RALGAPA1: variants seen among roughly 807,000 people sequenced by gnomAD.
RALGAPA1 encodes the protein Ral GTPase activating protein catalytic subunit alpha 1.
A neutral mutation model predicts 269.6 loss-of-function variants in RALGAPA1; 52 were observed. The observed-to-expected ratio is 0.19, with a 90% CI of 0.15 to 0.24. The LOEUF is 0.24. Ranked by LOEUF, RALGAPA1 falls within the 10% of genes least tolerant of loss-of-function variation. RALGAPA1 has a pLI of 1.00. For synonymous variants in RALGAPA1, 817 were observed against 1,008.3 expected, an observed-to-expected ratio of 0.81 and a Z score of 3.60; for missense variants, 1,917 against 3,013.9, an observed-to-expected ratio of 0.64 and a Z score of 8.52.
intron 12 of RALGAPA1, among the ~76,000 whole-genome samples, chr14:35,729,980 A>G (rs537579254): frequency 1.6e-4 from 25 of 152,270 alleles, no homozygotes; most frequent in African/African-American, 6.0e-4. Context: ...AACAAACACC[A>G]GGAATCCCAA....
chr14:35,765,564 A>T (rs1405879820), intron 4 of RALGAPA1, among the ~76,000 whole-genome samples: 1 of 152,134 alleles, frequency 6.6e-6, no homozygotes. Flanking sequence ...GCAGTGGCAC[A>T]ATCATGGCCT....
chr14:35,547,468 A>T (rs1034469744), intron 41 of RALGAPA1, among the ~76,000 whole-genome samples: 5 of 152,132 alleles, frequency 3.3e-5, no homozygotes, highest in African/African-American at 1.2e-4. Flanking sequence ...CTAAGGGGGA[A>T]AGTTAGTCCA....
intron 31 of RALGAPA1, among the ~76,000 whole-genome samples, chr14:35,650,138 G>A (rs970923692): frequency 1.3e-5 from 2 of 152,118 alleles, no homozygotes; most frequent in Non-Finnish European, 2.9e-5. Context: ...TTGGGAGGCC[G>A]AGGCAGGTGG....
In RALGAPA1 at chr14:35,688,602, C is replaced by T; in HGVS notation, c.3809G>A (p.Gly1270Asp). The T allele has an allele frequency of 6.5e-7, 1 of 1,535,562 alleles. No homozygotes were observed. The highest frequency in any genetic ancestry group is 8.7e-7 in the Non-Finnish European group (1 of 1,146,804). ...HEAGLQQGSL[G>D]GVYKTVVHAL... ...ATGTACAACAGTTTTATAAACGCCA[C>T]CCAGGGAGCCCTGCTGTAGTCCTGC... is the stretch of plus-strand genomic sequence containing the variant. The change falls in exon 18 of 42, where the codon GGT becomes GAT. Residue 1270 changes from glycine to aspartate, a missense_variant. By Grantham distance (94) the Gly-to-Asp change is moderately conservative. Around this residue, in one of 11 missense-constraint regions of RALGAPA1, gnomAD observed 615 missense variants for 790.0 expected, o/e 0.78. Coordinates refer to ENST00000680220, the MANE Select transcript of RALGAPA1 (RefSeq NM_001346249.2).
In RALGAPA1 at chr14:35,659,195, T is replaced by C; in HGVS notation, c.5330A>G (p.Glu1777Gly). Residue 1777 changes from glutamate to glycine, a missense_variant and splice_region_variant, in exon 28 of 42, where the codon GAA becomes GGA. Around this residue, in one of 11 missense-constraint regions of RALGAPA1, gnomAD observed 346 missense variants for 566.1 expected, o/e 0.61. Transcript: ENST00000680220. ...GCTTAATACAGTTTTGATTATAAGT[T>C]CCTAAAATAAGGGGGAAATAGTTAA... ...VAVSQFTDVK[E>G]LIIKTVLSSA... 1.2e-6 allele frequency: 2 copies of C among 1,608,276 alleles called. No individual in the cohort carries two copies. The highest frequency in any genetic ancestry group is 1.7e-6 in the Non-Finnish European group (2 of 1,176,574).
At chr14:35,609,149 C>A (rs2059767548) in intron 35 of RALGAPA1, among the ~76,000 whole-genome samples, 1 of 151,646 alleles carries the variant, frequency 6.6e-6, no homozygotes, top group Non-Finnish European at 1.5e-5. Flanking sequence ...ATGGCGTGAA[C>A]TTGGGAGGCA....
chr14:35,619,806 T>C (rs1005025328), intron 35 of RALGAPA1, among the ~76,000 whole-genome samples: 9 of 152,090 alleles, frequency 5.9e-5, no homozygotes, highest in Non-Finnish European at 1.2e-4. Flanking sequence ...AGGAAGAAGT[T>C]GAATCTCCGA....
intron 37 of RALGAPA1, among the ~76,000 whole-genome samples, chr14:35,577,501 C>T (rs2057653772): frequency 6.6e-6 from 1 of 152,162 alleles, no homozygotes; most frequent in African/African-American, 2.4e-5. Flanking sequence ...GACAATGAAT[C>T]TGTCAGCATC....
At chr14:35,790,556 C>T (rs773631446) in intron 1 of RALGAPA1, among the ~76,000 whole-genome samples, 2 of 151,774 alleles carry the variant, frequency 1.3e-5, no homozygotes, top group East Asian at 1.9e-4. Flanking sequence ...GGTGTGCTAG[C>T]GGGTGCCTGT....
intron 16 of RALGAPA1, among the ~76,000 whole-genome samples, chr14:35,719,683 T>G (rs1057467752): frequency 2.0e-5 from 3 of 152,128 alleles, no homozygotes; most frequent in East Asian, 1.9e-4. Context: ...CAGAAAAAAA[T>G]GTACTTTTAA....
intron 4 of RALGAPA1, 67 bp from the exon 5 acceptor site, chr14:35,762,820 G>T (rs17103516): frequency 1.0e-6 from 1 of 991,030 alleles, no homozygotes; most frequent in South Asian, 1.3e-5. Flanking sequence ...GTTCTCGGTC[G>T]GACTTGAAAA....
At chr14:35,679,162 A>G (rs2065203746) in intron 21 of RALGAPA1, among the ~76,000 whole-genome samples, 1 of 152,254 alleles carries the variant, frequency 6.6e-6, no homozygotes, top group Non-Finnish European at 1.5e-5. Context: ...TGTGGTGGTT[A>G]TAATATAGTG....
At chr14:35,581,635 C>T (rs1408665206) in intron 37 of RALGAPA1, among the ~76,000 whole-genome samples, 1 of 152,046 alleles carries the variant, frequency 6.6e-6, no homozygotes, top group Non-Finnish European at 1.5e-5. Context: ...AAAAGATGCT[C>T]AATATCATTA....
intron 33 of RALGAPA1, among the ~76,000 whole-genome samples, chr14:35,631,128 T>C (rs1170355011): frequency 2.0e-5 from 3 of 152,184 alleles, no homozygotes; most frequent in Non-Finnish European, 2.9e-5. Flanking sequence ...ATATAATAAA[T>C]GTTCACACTA....
intron 17 of RALGAPA1, among the ~76,000 whole-genome samples, chr14:35,695,906 G>C (rs1346517352): frequency 6.6e-6 from 1 of 152,102 alleles, no homozygotes; most frequent in East Asian, 1.9e-4. Context: ...ATTATCAAAG[G>C]CCAATGAGAG....
At chr14:35,614,552 G>T (rs532237738) in intron 35 of RALGAPA1, among the ~76,000 whole-genome samples, 1 of 152,038 alleles carries the variant, frequency 6.6e-6, no homozygotes, top group African/African-American at 2.4e-5. Flanking sequence ...GTTATCTAAG[G>T]CTGGGGGGAA....
intron 41 of RALGAPA1, chr14:35,542,215 T>C (rs188680446): frequency 9.8e-5 from 32 of 326,696 alleles, no homozygotes; most frequent in Middle Eastern, 1.1e-3. Flanking sequence ...TTTAAATTTA[T>C]TGAATTAAAA....
chr14:35,792,003 C>T (rs1178868174), intron 1 of RALGAPA1, among the ~76,000 whole-genome samples: 2 of 148,344 alleles, frequency 1.3e-5, no homozygotes, highest in Non-Finnish European at 3.0e-5. Context: ...TATTACACTG[C>T]TTTGTTTTTT....
At chr14:35,746,053 A>G (rs530443651) in intron 10 of RALGAPA1, among the ~76,000 whole-genome samples, 9 of 152,312 alleles carry the variant, frequency 5.9e-5, no homozygotes, top group African/African-American at 2.2e-4. Context: ...AGCCTGGGAA[A>G]TGGAGTGAGG....
Sources: gnomAD v4.1 joint callset for allele counts (sites outside exome capture counted in the v4.1 genomes callset) on GRCh38, gnomAD v4.1.1 for gene constraint, gnomAD v4.1.1 regional missense constraint, MANE v1.5 for transcripts, NCBI Gene and HGNC (gene_info 2026-07-23, HGNC 2026-07-21) for gene names.